The following HERC5 variants were observed in gnomAD, a reference collection of about 807,000 sequenced individuals.
The protein encoded by HERC5 is E3 ISG15--protein ligase HERC5.
HERC5 carries 99 observed loss-of-function variants against 119.6 expected under a neutral mutation model. That is an observed-to-expected ratio of 0.83 (90% CI 0.70 to 0.98). The LOEUF (loss-of-function observed/expected upper bound fraction) is 0.98. Among genes scored for constraint, HERC5 ranks in the 50% least tolerant of loss-of-function variants. The pLI is 0.00. For synonymous variants in HERC5, 478 were observed against 445.9 expected (o/e 1.07, Z -0.91); for missense variants, 1,267 against 1,241.3 (o/e 1.02, Z -0.31).
chr4:88,491,144 AG>A lies in HERC5; in HGVS notation c.2133+1809del, dbSNP rs1467474612. On this transcript the variant is annotated intron_variant, in intron 16 of 22. Coordinates refer to ENST00000264350, the MANE Select transcript of HERC5 (RefSeq NM_016323.4). The stretch of plus-strand genomic sequence containing the variant: ...GAGGTTGGGCAGCTTGTCCTTAGTA[AG>A]AAGAGGGGGAAGGGTTTGACACCTG... Among the ~76,000 whole-genome samples, 3 of 152,288 alleles carry A rather than the reference AG, an allele frequency of 2.0e-5. No individual in the cohort carries two copies. The East Asian group carries it at 5.8e-4, about 29-fold the overall frequency.
intron 1 of HERC5, chr4:88,458,218 T>TC (rs1338854204): frequency 2.9e-6 from 1 of 346,678 alleles, no homozygotes; most frequent in African/African-American, 2.2e-5. Context: ...CTTTTGCACG[T>TC]CGTACATGTA....
intron 10 of HERC5, among the ~76,000 whole-genome samples, 185 bp downstream of exon 10, chr4:88,470,858 A>G (rs1034624580): frequency 6.6e-6 from 1 of 152,066 alleles, no homozygotes; most frequent in African/African-American, 2.4e-5. Flanking sequence ...GAAAGTGAAA[A>G]TCTTCCATAA....
chr4:88,504,407 T>C lies in HERC5; in HGVS notation c.2758T>C (p.Phe920Leu), dbSNP rs954280659. Reference protein sequence around the residue: ...VGNTDYDWKTFEKNARYEPGY... With the variant: ...VGNTDYDWKTLEKNARYEPGY... ...AAATACAGATTATGATTGGAAAACA[T>C]TTGAAAAGGTACATCATCAAGTCTA... is the stretch of plus-strand genomic sequence containing the variant. Residue 920 changes from phenylalanine to leucine, a missense_variant, in exon 21 of 23, where the codon TTT becomes CTT. By Grantham distance (22) the Phe-to-Leu change is conservative (BLOSUM62 0). Coordinates refer to ENST00000264350, the MANE Select transcript of HERC5 (RefSeq NM_016323.4). 1 of 1,599,292 alleles carries C rather than the reference T, an allele frequency of 6.3e-7. No homozygotes were observed. The highest frequency in any genetic ancestry group is 8.5e-7 in the Non-Finnish European group (1 of 1,169,866).
chr4:88,468,368 G>C lies in HERC5; in HGVS notation c.1080G>C (p.Glu360Asp). Reference protein sequence around the residue: ...LKLESHTSEKELIMIAGGNQS... With the variant: ...LKLESHTSEKDLIMIAGGNQS... Reference sequence around the variant, plus strand: ...CAGAAAGCCATACCTCAGAAAAGGAGTTAATAATGATTGCTGGAGGGAATC... The same window carrying C: ...CAGAAAGCCATACCTCAGAAAAGGACTTAATAATGATTGCTGGAGGGAATC... The change falls in exon 8 of 23, where the codon GAG becomes GAC. Residue 360 changes from glutamate to aspartate, a missense_variant. By Grantham distance (45) the Glu-to-Asp change is conservative. Around this residue, in one of 3 missense-constraint regions of HERC5, gnomAD observed 777 missense variants for 758.0 expected, o/e 1.03. Coordinates refer to ENST00000264350, the MANE Select transcript of HERC5 (RefSeq NM_016323.4). 1.2e-6 allele frequency: 2 copies of C among 1,611,770 alleles called. No individual in the cohort carries two copies. The highest frequency in any genetic ancestry group is 1.7e-6 in the Non-Finnish European group (2 of 1,178,762).
intron 6 of HERC5, among the ~76,000 whole-genome samples, chr4:88,464,735 T>C (rs1304117328): frequency 6.6e-6 from 1 of 151,938 alleles, no homozygotes; most frequent in Non-Finnish European, 1.5e-5. Flanking sequence ...ATTACAGGCG[T>C]GCACTGCCAC....
In HERC5 at chr4:88,494,155, C is replaced by A; in HGVS notation, c.2278-10C>A. 6.4e-7 allele frequency: 1 copy of A among 1,552,778 alleles called. No individual in the cohort carries two copies. The highest frequency in any genetic ancestry group is 8.7e-7 in the Non-Finnish European group (1 of 1,150,110). ...TCATAATACTTTAAGATTTTTTTTT[C>A]GCTTTTCAGCCTAAATTTGAGAAGA... On this transcript the variant is annotated splice_polypyrimidine_tract_variant and intron_variant, in intron 17 of 22. Coordinates refer to ENST00000264350, the MANE Select transcript of HERC5 (RefSeq NM_016323.4).
At chr4:88,503,026 A>G (rs1275644110) in intron 20 of HERC5, among the ~76,000 whole-genome samples, 1 of 152,114 alleles carries the variant, frequency 6.6e-6, no homozygotes, top group Non-Finnish European at 1.5e-5. Context: ...TACTTTATCA[A>G]TATTTTCCTT....
Position 88,463,521 on chromosome 4 carries a change from T to C in HERC5, c.689-11T>C. The C allele has an allele frequency of 6.3e-7, 1 of 1,596,162 alleles. No individual in the cohort carries two copies. Among genetic ancestry groups the C allele is most frequent in the Non-Finnish European group, 8.6e-7 (1 of 1,164,830 alleles). On this transcript the variant is annotated splice_polypyrimidine_tract_variant and intron_variant, in intron 4 of 22. Transcript: ENST00000264350. ...CTTTTGGTCACTTCAGCTATTTTTTTCCTTACATAGGTAAAGATGATCCAT... is the reference window on the plus strand; with the variant it reads ...CTTTTGGTCACTTCAGCTATTTTTTCCCTTACATAGGTAAAGATGATCCAT...
In HERC5 at chr4:88,463,978, T is replaced by C. The variant is rs1484371625; in HGVS notation, c.904T>C (p.Cys302Arg). 2 of 1,612,630 alleles carry C rather than the reference T, an allele frequency of 1.2e-6. No individual in the cohort carries two copies. The highest frequency in any genetic ancestry group is 1.7e-6 in the Non-Finnish European group (2 of 1,179,486). Residue 302 changes from cysteine to arginine, a missense_variant, in exon 6 of 23, where the codon TGT becomes CGT. Cys to Arg is a radical substitution (Grantham distance 180). Coordinates refer to ENST00000264350, the MANE Select transcript of HERC5 (RefSeq NM_016323.4). ...TGGGTATAGAGTGACTCAGATAGCATGTGGAAGGTAAGTTGTAAAGTATCA... is the reference window on the plus strand; with the variant it reads ...TGGGTATAGAGTGACTCAGATAGCACGTGGAAGGTAAGTTGTAAAGTATCA... ...LVGYRVTQIA[C>R]GRWHTLAYVS... is the part of the protein sequence containing the mutation.
chr4:88,497,019 A>G (rs1251762898), intron 18 of HERC5, among the ~76,000 whole-genome samples: 5 of 152,282 alleles, frequency 3.3e-5, no homozygotes, highest in Middle Eastern at 3.4e-3. Flanking sequence ...GTCGTCACCT[A>G]TTCCCTTTAG....
rs746545085 is a variant in HERC5 at position 88,493,037 on chromosome 4, A to G, written c.2159A>G (p.Tyr720Cys). The G allele has an allele frequency of 6.8e-6, 11 of 1,613,814 alleles. No individual in the cohort carries two copies. In the South Asian group the frequency reaches 9.9e-5, roughly 15 times the overall value. Residue 720 changes from tyrosine to cysteine, a missense_variant, in exon 17 of 23, where the codon TAT (tyrosine) becomes TGT (cysteine). Physicochemically the swap from Tyr to Cys is radical, Grantham distance 194. Transcript: ENST00000264350. Reference protein sequence around the residue: ...LWVSFSGEIGYDLGGVKKEFF... With the variant: ...LWVSFSGEIGCDLGGVKKEFF... The stretch of plus-strand genomic sequence containing the variant: ...GTTTCATTTAGTGGAGAAATTGGGT[A>G]TGACCTCGGAGGAGTCAAGAAAGAG...
chr4:88,488,358 A>C (rs899952912), intron 15 of HERC5, among the ~76,000 whole-genome samples: 1 of 151,206 alleles, frequency 6.6e-6, no homozygotes, highest in African/African-American at 2.4e-5. Context: ...CAGCCTCCCG[A>C]GTAGCTGGGA....
At chr4:88,502,121 A>G (rs559619312) in intron 20 of HERC5, among the ~76,000 whole-genome samples, 9 of 152,044 alleles carry the variant, frequency 5.9e-5, no homozygotes, top group South Asian at 2.1e-4. Context: ...TTTGACCGAC[A>G]TAGTGTATTT....
intron 6 of HERC5, among the ~76,000 whole-genome samples, chr4:88,464,207 A>G (rs533279057): frequency 4.9e-5 from 7 of 141,822 alleles, no homozygotes; most frequent in Non-Finnish European, 1.1e-4. Context: ...AGCAGATACA[A>G]TTCACTTTCT....
At chr4:88,481,392 T>A (rs1741272663) in intron 13 of HERC5, among the ~76,000 whole-genome samples, 1 of 152,182 alleles carries the variant, frequency 6.6e-6, no homozygotes, top group South Asian at 2.1e-4. Flanking sequence ...GAATTCTTTC[T>A]ATTTTGGATA....
intron 13 of HERC5, among the ~76,000 whole-genome samples, chr4:88,481,962 G>A (rs1444727642): frequency 6.6e-6 from 1 of 152,266 alleles, no homozygotes; most frequent in Middle Eastern, 3.4e-3. Context: ...ATAATGACAG[G>A]GAGGGCCAGG....
At chr4:88,474,320 T>G (rs1047550298) in intron 11 of HERC5, among the ~76,000 whole-genome samples, 1 of 152,194 alleles carries the variant, frequency 6.6e-6, no homozygotes, top group Non-Finnish European at 1.5e-5. Flanking sequence ...CCAGAGGAAT[T>G]AAGATCTTAC....
chr4:88,462,183 T>G lies in HERC5; in HGVS notation c.515T>G (p.Val172Gly). 1 of 1,614,032 alleles carries G rather than the reference T, an allele frequency of 6.2e-7. No individual in the cohort carries two copies. The highest frequency in any genetic ancestry group is 1.1e-5 in the South Asian group (1 of 91,052). The change falls in exon 4 of 23, where the codon GTT becomes GGT. Residue 172 changes from valine to glycine, a missense_variant. Transcript: ENST00000264350. ...CAGAACCTGCATGGGCAGCTTGGAG[T>G]TGGAAGGAAATTTCCCTCAACCACC... ...WGQNLHGQLG[V>G]GRKFPSTTTP...
intron 12 of HERC5, among the ~76,000 whole-genome samples, chr4:88,477,064 C>CT (rs35438949): frequency 0.19 from 23,225 of 124,686 alleles, 2,460 homozygotes; most frequent in African/African-American, 0.29. Context: ...GTATTTATAG[C>CT]TTTTTTTTTT....
Sources: allele counts gnomAD v4.1 joint callset (sites outside exome capture counted in the v4.1 genomes callset), GRCh38; gene constraint gnomAD v4.1.1; regional missense constraint gnomAD v4.1.1; transcripts MANE v1.5; gene names NCBI Gene and HGNC (gene_info 2026-07-23, HGNC 2026-07-21).